The following TRMT11 variants were observed in gnomAD, a reference collection of about 807,000 sequenced individuals.
TRMT11 encodes the protein tRNA (guanine(10)-N(2))-methyltransferase TRMT11.
In TRMT11, 53 loss-of-function variants were observed where a neutral mutation model predicts 62.8. The observed-to-expected ratio is 0.84, with a 90% CI of 0.68 to 1.06. The LOEUF (loss-of-function observed/expected upper bound fraction) is 1.06, where lower values mean the gene tolerates loss of function less well. Among genes scored for constraint, TRMT11 ranks in the 50% least tolerant of loss-of-function variants. The probability of loss-of-function intolerance (pLI) is 0.00; values close to 1 mark genes in which losing one functional copy is unlikely to be tolerated. For missense variants in TRMT11, 556 were observed against 553.4 expected (o/e 1.00, Z -0.05); for synonymous variants, 188 against 190.3 (o/e 0.99, Z 0.10).
At chr6:126,057,371 T>C (rs1365069457) in intron 17 of TRMT11, among the ~76,000 whole-genome samples, 1 of 152,238 alleles carries the variant, frequency 6.6e-6, no homozygotes, top group African/African-American at 2.4e-5. Flanking sequence ...TCAGTACTTT[T>C]TGAAAAATCA....
intron 11 of TRMT11, among the ~76,000 whole-genome samples, chr6:126,016,851 T>C (rs76326758): frequency 0.013 from 1,946 of 152,286 alleles, 47 homozygotes; most frequent in African/African-American, 0.041. Flanking sequence ...ATGTTCATTA[T>C]TAGACCTCAA....
At chr6:126,252,461 G>C in the TRMT11 span, among the ~76,000 whole-genome samples, 1 of 152,198 alleles carries the variant, frequency 6.6e-6, no homozygotes, top group Non-Finnish European at 1.5e-5. Flanking sequence ...TTATTATCTA[G>C]TCTTGGGACT....
chr6:126,128,685 G>A (rs1777745339), intron 21 of TRMT11, among the ~76,000 whole-genome samples: 1 of 151,982 alleles, frequency 6.6e-6, no homozygotes, highest in Non-Finnish European at 1.5e-5. Context: ...GACGTTTGTG[G>A]TTTGAAATCA....
intron 12 of TRMT11, among the ~76,000 whole-genome samples, chr6:126,024,160 A>G (rs1185147433): frequency 6.6e-6 from 1 of 152,248 alleles, no homozygotes; most frequent in Non-Finnish European, 1.5e-5. Flanking sequence ...TATGTTTACA[A>G]AGCATTTTAA....
intron 1 of TRMT11, among the ~76,000 whole-genome samples, chr6:125,987,962 C>G (rs1789937297): frequency 1.3e-5 from 2 of 152,058 alleles, no homozygotes; most frequent in African/African-American, 4.8e-5. Flanking sequence ...CATATGAAAA[C>G]TAGGAGCGGG....
At chr6:126,155,496 C>T (rs1351684076) in intron 21 of TRMT11, among the ~76,000 whole-genome samples, 1 of 152,142 alleles carries the variant, frequency 6.6e-6, no homozygotes, top group Non-Finnish European at 1.5e-5. Context: ...TGCCAATAGT[C>T]CCCGCAAATC....
intron 21 of TRMT11, among the ~76,000 whole-genome samples, chr6:126,141,562 G>A (rs963498036): frequency 4.7e-4 from 72 of 152,272 alleles, no homozygotes; most frequent in African/African-American, 1.7e-3. Flanking sequence ...TGGCAGGCCA[G>A]TGAAGGTGAT....
At chr6:126,124,937 C>G (rs1440558347) in intron 21 of TRMT11, among the ~76,000 whole-genome samples, 2 of 152,078 alleles carry the variant, frequency 1.3e-5, no homozygotes, top group Non-Finnish European at 2.9e-5. Context: ...AGAAATTAAC[C>G]TCCTGTCTTT....
At chr6:126,208,733 A>G (rs1778812652), downstream of TRMT11, among the ~76,000 whole-genome samples, 1 of 152,262 alleles carries the variant, frequency 6.6e-6, no homozygotes, top group South Asian at 2.1e-4. Context: ...AAAACGATTC[A>G]TAGAAACAAC....
rs6932457 is a variant in TRMT11 at position 126,076,108 on chromosome 6, G to T, written c.*1437+22918G>T. The stretch of plus-strand genomic sequence containing the variant: ...TGTGCTATTAAGGTTAGTAGGTTGT[G>T]GGGGGTTGGGGGTGGGAGGTAGGGA... On this transcript the variant is annotated intron_variant and NMD_transcript_variant, in intron 17 of 22. Transcript: ENST00000648977. Among the ~76,000 whole-genome samples, 878 of 152,192 alleles carry T rather than the reference G, an allele frequency of 5.8e-3. 14 individuals carry two copies. Among genetic ancestry groups the T allele is most frequent in the African/African-American group, 0.02 (844 of 41,534 alleles).
chr6:126,093,585 G>GTATATATATATATATATATATATA (rs56176946), intron 17 of TRMT11, among the ~76,000 whole-genome samples: 17 of 46,684 alleles, frequency 3.6e-4, no homozygotes, highest in Admixed American at 5.4e-4. Context: ...GGATATGTAT[G>GTATATATATATATATATATATATA]TATATATATA....
chr6:126,160,329 T>A (rs1778174678), intron 21 of TRMT11, among the ~76,000 whole-genome samples: 1 of 152,094 alleles, frequency 6.6e-6, no homozygotes, highest in African/African-American at 2.4e-5. Flanking sequence ...ACTGGAAAAA[T>A]TTATTTTTCA....
chr6:126,228,405 C>T, the TRMT11 span, among the ~76,000 whole-genome samples: 56 of 152,196 alleles, frequency 3.7e-4, no homozygotes, highest in Non-Finnish European at 6.9e-4. Flanking sequence ...CATAGAATAA[C>T]GTACTTGTGT....
At chr6:126,198,143 A>G (rs1778689020) in intron 1 of TRMT11, among the ~76,000 whole-genome samples, 1 of 152,174 alleles carries the variant, frequency 6.6e-6, no homozygotes. Flanking sequence ...CCCTCTGTCA[A>G]TTACTGCCAT....
intron 21 of TRMT11, among the ~76,000 whole-genome samples, chr6:126,151,838 C>CTTTCTTTCT (rs1778050827): frequency 7.7e-6 from 1 of 129,484 alleles, no homozygotes; most frequent in Non-Finnish European, 1.6e-5. Context: ...TTCTTTCTTT[C>CTTTCTTTCT]TTTCTTTCTT....
chr6:126,160,534 C>T (rs1778177670), intron 21 of TRMT11, among the ~76,000 whole-genome samples: 1 of 152,176 alleles, frequency 6.6e-6, no homozygotes, highest in South Asian at 2.1e-4. Flanking sequence ...AATAGGAAGA[C>T]TTCATGCTGA....
At chr6:126,044,935 C>T (rs188427845) in intron 16 of TRMT11, among the ~76,000 whole-genome samples, 1 of 152,248 alleles carries the variant, frequency 6.6e-6, no homozygotes, top group African/African-American at 2.4e-5. Flanking sequence ...CCTGTAATCC[C>T]AGCATTTTGG....
chr6:126,164,998 G>C (rs982339277), intron 21 of TRMT11, among the ~76,000 whole-genome samples: 2 of 152,040 alleles, frequency 1.3e-5, no homozygotes, highest in Non-Finnish European at 2.9e-5. Flanking sequence ...AATATCGTTG[G>C]CTGGGTGCAG....
intron 21 of TRMT11, among the ~76,000 whole-genome samples, chr6:126,125,261 T>C (rs1182415354): frequency 3.9e-5 from 6 of 152,116 alleles, no homozygotes; most frequent in African/African-American, 1.2e-4. Context: ...TTAGTTTTTT[T>C]CCTCTTATAT....
Sources: gnomAD v4.1 joint callset for allele counts (sites outside exome capture counted in the v4.1 genomes callset) on GRCh38, gnomAD v4.1.1 for gene constraint, MANE v1.5 for transcripts, NCBI Gene and HGNC (gene_info 2026-07-23, HGNC 2026-07-21) for gene names.